PIGK: variants seen among roughly 807,000 people sequenced by gnomAD.
PIGK encodes the protein phosphatidylinositol glycan anchor biosynthesis class K.
In PIGK, 42 loss-of-function variants were observed where a neutral mutation model predicts 50.6. The observed-to-expected ratio is 0.83, with a 90% confidence interval of 0.65 to 1.07. The LOEUF (loss-of-function observed/expected upper bound fraction) is 1.07. Ranked by LOEUF, PIGK falls within the 50% of genes least tolerant of loss-of-function variation. The pLI is 0.00. For missense variants in PIGK, 448 were observed against 488.7 expected (o/e 0.92, Z 0.78); for synonymous variants, 151 against 156.0 (o/e 0.97, Z 0.24).
chr1:77,217,767 C>T (rs369724377), intron 1 of PIGK, among the ~76,000 whole-genome samples: 5 of 152,168 alleles, frequency 3.3e-5, no homozygotes, highest in South Asian at 4.1e-4. Flanking sequence ...GTACAAATTA[C>T]AAGAGTAAAG....
chr1:77,182,413 G>A (rs898952779), intron 3 of PIGK, among the ~76,000 whole-genome samples: 3 of 151,936 alleles, frequency 2.0e-5, no homozygotes, highest in African/African-American at 7.3e-5. Context: ...ATTAAGGGTG[G>A]GTCTGCCTTT....
At chr1:77,092,856 T>C (rs1653330342) in intron 10 of PIGK, among the ~76,000 whole-genome samples, 2 of 152,156 alleles carry the variant, frequency 1.3e-5, no homozygotes, top group South Asian at 4.1e-4. Flanking sequence ...TATTAGACTG[T>C]AGTTTCATGA....
chr1:77,206,550 C>A, intron 3 of PIGK, 90 bp downstream of exon 3: 3 of 757,116 alleles, frequency 4.0e-6, no homozygotes, highest in South Asian at 2.0e-5. Flanking sequence ...TTACCTTTTT[C>A]AAAAGTAACA....
intron 10 of PIGK, among the ~76,000 whole-genome samples, chr1:77,107,716 G>A (rs1653722447): frequency 6.6e-6 from 1 of 152,086 alleles, no homozygotes; most frequent in African/African-American, 2.4e-5. Flanking sequence ...ATTATTGTGT[G>A]GGAGTCTAAG....
At chr1:77,208,217 C>T (rs1039887921) in intron 2 of PIGK, among the ~76,000 whole-genome samples, 1 of 151,958 alleles carries the variant, frequency 6.6e-6, no homozygotes, top group African/African-American at 2.4e-5. Context: ...CAGTGCAAGA[C>T]CTCATCTCCA....
At chr1:77,193,245 ATGTG>A (rs56987496) in intron 3 of PIGK, among the ~76,000 whole-genome samples, 47,992 of 144,672 alleles carry the variant, frequency 0.33, 7,791 homozygotes, top group Non-Finnish European at 0.38. Flanking sequence ...TGGCATGAGA[ATGTG>A]TGTGTGTGTG....
Position 77,206,655 on chromosome 1 carries a change from A to G in PIGK, c.224T>C (p.Leu75Pro). ...TLSVYRSVKR[L>P]GIPDSHIVLM... ...GGCTTCTTACCTGTCAGGAATACCT[A>G]GCCTCTTGACACTTCTATAAACAGA... The change falls in exon 3 of 11, where the codon CTA (leucine) becomes CCA (proline). Residue 75 changes from leucine to proline, a missense_variant. Coordinates refer to ENST00000370812, the MANE Select transcript of PIGK (RefSeq NM_005482.3). 6.2e-7 allele frequency: 1 copy of G among 1,600,294 alleles called. No homozygotes were observed.
At position 77,170,460 on chromosome 1, in the gene PIGK, T is replaced by C. The variant is rs1475703130; in HGVS notation, c.240-1065A>G. ...CCTTAGCTATGGTACTCTATCTTAT[T>C]GTGTGTTTTATTTTCTTCAGGACAT... On this transcript the variant is annotated intron_variant, in intron 3 of 10. Transcript: ENST00000370812. 2.0e-5 allele frequency among the ~76,000 whole-genome samples: 3 copies of C among 152,184 alleles called. No individual in the cohort carries two copies. The East Asian group carries it at 5.8e-4, about 29-fold the overall frequency.
intron 3 of PIGK, among the ~76,000 whole-genome samples, chr1:77,172,429 T>A (rs1028452358): frequency 6.6e-6 from 1 of 152,154 alleles, no homozygotes; most frequent in African/African-American, 2.4e-5. Context: ...TGTGGCTGCA[T>A]TGGAGTCTCT....
At chr1:77,093,263 C>T (rs952605662) in intron 10 of PIGK, among the ~76,000 whole-genome samples, 1 of 151,926 alleles carries the variant, frequency 6.6e-6, no homozygotes, top group African/African-American at 2.4e-5. Flanking sequence ...ATTTTTTATC[C>T]CCCTTCTCTA....
intron 3 of PIGK, among the ~76,000 whole-genome samples, chr1:77,172,632 T>C (rs949686314): frequency 6.6e-6 from 1 of 152,148 alleles, no homozygotes; most frequent in South Asian, 2.1e-4. Context: ...CTTTTAAAAA[T>C]TCGCAGGGGC....
chr1:77,108,800 T>G (rs1653762561), intron 10 of PIGK, among the ~76,000 whole-genome samples: 1 of 152,188 alleles, frequency 6.6e-6, no homozygotes, highest in Non-Finnish European at 1.5e-5. Context: ...CTTTCTATTC[T>G]TTTTTCTCTA....
At chr1:77,199,212 A>G (rs1031400020) in intron 3 of PIGK, among the ~76,000 whole-genome samples, 11 of 152,010 alleles carry the variant, frequency 7.2e-5, no homozygotes, top group Non-Finnish European at 1.5e-4. Flanking sequence ...ACACATTTCA[A>G]CTTCCTAACT....
chr1:77,182,505 A>AATCTATCT (rs59731037), intron 3 of PIGK, among the ~76,000 whole-genome samples: 2,123 of 150,334 alleles, frequency 0.014, 15 homozygotes, highest in Middle Eastern at 0.042. Context: ...ACCCAGGATC[A>AATCTATCT]ATCTATCTAT....
At chr1:77,093,926 A>G (rs1244293380) in intron 10 of PIGK, among the ~76,000 whole-genome samples, 6 of 152,154 alleles carry the variant, frequency 3.9e-5, no homozygotes, top group Admixed American at 3.3e-4. Flanking sequence ...CAATACTGTG[A>G]CAAATCTTAA....
chr1:77,213,818 C>T (rs114923411), intron 1 of PIGK, among the ~76,000 whole-genome samples: 1,929 of 152,006 alleles, frequency 0.013, 39 homozygotes, highest in African/African-American at 0.045. Flanking sequence ...AAAGAGAAGA[C>T]CCAAATAAAT....
chr1:77,118,072 T>C (rs2100525507), intron 10 of PIGK, among the ~76,000 whole-genome samples: 1 of 152,374 alleles, frequency 6.6e-6, no homozygotes, highest in South Asian at 2.1e-4. Context: ...ACATGTTTTT[T>C]ATCAGTTTAT....
intron 8 of PIGK, among the ~76,000 whole-genome samples, chr1:77,155,831 GT>G (rs1296269945): frequency 1.3e-5 from 2 of 152,160 alleles, no homozygotes; most frequent in East Asian, 3.9e-4. Context: ...AGGCAGAAAG[GT>G]GGAGAAGGGT....
At chr1:77,215,352 C>CA (rs1236870959) in intron 1 of PIGK, among the ~76,000 whole-genome samples, 1 of 152,068 alleles carries the variant, frequency 6.6e-6, no homozygotes, top group Non-Finnish European at 1.5e-5. Context: ...CAAGGATATG[C>CA]AAACCAAAAC....
Sources: allele counts gnomAD v4.1 joint callset (sites outside exome capture counted in the v4.1 genomes callset), GRCh38; gene constraint gnomAD v4.1.1; transcripts MANE v1.5; gene names NCBI Gene and HGNC (gene_info 2026-07-23, HGNC 2026-07-21).